Variants in SERAC1 observed in about 807,000 individuals in gnomAD.
SERAC1 encodes the protein protein SERAC1.
SERAC1 carries 36 observed loss-of-function variants against 85.7 expected under a neutral mutation model. The ratio of observed to expected loss-of-function variants is 0.42; its 90% CI spans 0.32 to 0.55. The LOEUF is 0.55. SERAC1 is among the 20% of genes least tolerant of loss of function. The pLI is 0.11. For synonymous variants in SERAC1, 242 were observed against 265.3 expected, an observed-to-expected ratio of 0.91 and a Z score of 0.85; for missense variants, 629 against 796.2, an observed-to-expected ratio of 0.79 and a Z score of 2.53.
chr6:158,133,341 G>A (rs1784721306), intron 8 of SERAC1, among the ~76,000 whole-genome samples: 1 of 148,412 alleles, frequency 6.7e-6, no homozygotes, highest in South Asian at 2.1e-4. Flanking sequence ...AAAATGGAAA[G>A]GCAACAGTAA....
In SERAC1 at chr6:158,146,769, G is replaced by A. The variant is rs1435440628; in HGVS notation, c.487+13C>T. ...AGCTGAAGGCATGCCACCTGTTCAGGTAGTCTCATTACCATGCCAGTGATG... is the reference window on the plus strand; with the variant it reads ...AGCTGAAGGCATGCCACCTGTTCAGATAGTCTCATTACCATGCCAGTGATG... On this transcript the variant is annotated intron_variant, in intron 6 of 16. Coordinates refer to ENST00000647468, the MANE Select transcript of SERAC1 (RefSeq NM_032861.4). 3 of 1,612,766 alleles carry A rather than the reference G, an allele frequency of 1.9e-6. No individual in the cohort carries two copies. The highest frequency in any genetic ancestry group is 1.7e-5 in the Admixed American group (1 of 59,940).
chr6:158,117,229 C>T lies in SERAC1; in HGVS notation c.1403+498G>A. On this transcript the variant is annotated intron_variant, in intron 13 of 16. Transcript: ENST00000647468. The surrounding 1 kb of genome is among the most constrained non-coding windows in gnomAD (Gnocchi z 4.3). ...AAAGCTTCCCGGAAAAGTTAACTGA[C>T]TGGTCTAAGACTGCACAGCAAATCA... 6.2e-6 allele frequency: 2 copies of T among 321,924 alleles called. No individual in the cohort carries two copies. The highest frequency in any genetic ancestry group is 5.0e-5 in the East Asian group (1 of 19,836). 19.9% of individuals were successfully genotyped at this position (321,924 alleles called of 1,614,324 possible). A position where few individuals can be genotyped will look rare whatever the true frequency, so the allele number is the denominator to read the frequency against.
intron 8 of SERAC1, among the ~76,000 whole-genome samples, chr6:158,132,098 A>C (rs1784692991): frequency 6.6e-6 from 1 of 152,150 alleles, no homozygotes; most frequent in African/African-American, 2.4e-5. Context: ...GAAGTGCTTC[A>C]CTTTGGAGCT....
intron 8 of SERAC1, among the ~76,000 whole-genome samples, chr6:158,138,374 G>A (rs1784842255): frequency 6.7e-6 from 1 of 150,284 alleles, no homozygotes; most frequent in Non-Finnish European, 1.5e-5. Context: ...GGCAGAGGTG[G>A]TAGTGAGTCG....
At chr6:158,111,597 G>C (rs1476139413) in intron 16 of SERAC1, 95 bp from the exon 17 acceptor site, 4 of 963,764 alleles carry the variant, frequency 4.2e-6, no homozygotes, top group Non-Finnish European at 5.8e-6. Flanking sequence ...TCTAGACATT[G>C]CTTTGGTTGT....
intron 8 of SERAC1, among the ~76,000 whole-genome samples, chr6:158,139,480 T>TCAA (rs1182912567): frequency 2.6e-5 from 4 of 152,120 alleles, no homozygotes; most frequent in African/African-American, 4.8e-5. Flanking sequence ...CTCTTACAAT[T>TCAA]CAACAACAAC....
intron 2 of SERAC1, among the ~76,000 whole-genome samples, chr6:158,157,010 A>G (rs548615435): frequency 1.4e-5 from 2 of 140,624 alleles, no homozygotes; most frequent in Non-Finnish European, 3.1e-5. Context: ...ATATATATAT[A>G]TGTATAGACA....
chr6:158,147,726 C>A (rs1409993509), intron 5 of SERAC1, among the ~76,000 whole-genome samples: 4 of 128,482 alleles, frequency 3.1e-5, no homozygotes, highest in African/African-American at 1.2e-4. Context: ...GCAGAGATCG[C>A]GCCACTGCAC....
At chr6:158,149,940 A>G (rs770874889) in intron 4 of SERAC1, among the ~76,000 whole-genome samples, 5 of 152,186 alleles carry the variant, frequency 3.3e-5, no homozygotes, top group Admixed American at 2.0e-4. Flanking sequence ...CAACCATATG[A>G]TCGCTAATGA....
chr6:158,158,590 G>T lies in SERAC1; in HGVS notation c.-1-226C>A, dbSNP rs982207029. 5 of 377,740 alleles carry T rather than the reference G, an allele frequency of 1.3e-5. No individual in the cohort carries two copies. The Admixed American group carries it at 2.1e-4, about 16-fold the overall frequency. The allele number at this position is 377,740 out of a possible 1,614,324, so 23.4% of individuals were successfully genotyped here. A position where few individuals can be genotyped will look rare whatever the true frequency, so the allele number is the denominator to read the frequency against. On this transcript the variant is annotated intron_variant, in intron 1 of 16. Coordinates refer to ENST00000647468, the MANE Select transcript of SERAC1 (RefSeq NM_032861.4). The stretch of plus-strand genomic sequence containing the variant: ...AATTTTCATTATTCTTCCTCACACT[G>T]TGTCCAATTGTGCATAGTTTTCACA...
chr6:158,162,748 C>A (rs1382479708), intron 1 of SERAC1, among the ~76,000 whole-genome samples: 1 of 152,170 alleles, frequency 6.6e-6, no homozygotes, highest in Non-Finnish European at 1.5e-5. Context: ...CTGAGTATTT[C>A]AAAAACTTTT....
intron 1 of SERAC1, chr6:158,165,993 C>T (rs1307902061): frequency 6.6e-6 from 1 of 152,180 alleles, no homozygotes; most frequent in Non-Finnish European, 1.5e-5. Flanking sequence ...GTGAATGTCA[C>T]TGAACTCAAC....
intron 14 of SERAC1, 85 bp downstream of exon 14, chr6:158,116,100 G>GGAAA: frequency 9.1e-7 from 1 of 1,104,240 alleles, no homozygotes; most frequent in South Asian, 1.3e-5. Context: ...TAAGTAAAAT[G>GGAAA]GAAAGATAAA....
intron 8 of SERAC1, among the ~76,000 whole-genome samples, chr6:158,137,725 A>C (rs1784826079): frequency 6.6e-6 from 1 of 151,984 alleles, no homozygotes; most frequent in East Asian, 1.9e-4. Flanking sequence ...AAAATACAAA[A>C]AAAATTAGCC....
rs533580953 is a variant in SERAC1, at chr6:158,120,705, G to A, written c.1016-130C>T. 1.0e-5 allele frequency: 10 copies of A among 978,182 alleles called. No individual in the cohort carries two copies. Among genetic ancestry groups the A allele is most frequent in the African/African-American group, 8.2e-5 (5 of 60,614 alleles). The allele number at this position is 978,182 out of a possible 1,614,324, so 60.6% of individuals were successfully genotyped here. A position where few individuals can be genotyped will look rare whatever the true frequency, so the allele number is the denominator to read the frequency against. On this transcript the variant is annotated intron_variant, in intron 10 of 16. Transcript: ENST00000647468. This position sits in a 1 kb window ranked among gnomAD's most constrained non-coding sequence, Gnocchi z 4.4. ...GTGTCTGTCCTTGGCGGAGAAGTCCGACTATTCCAACCCCATTCTGCCCTA... is the reference window on the plus strand; with the variant it reads ...GTGTCTGTCCTTGGCGGAGAAGTCCAACTATTCCAACCCCATTCTGCCCTA...
intron 4 of SERAC1, among the ~76,000 whole-genome samples, chr6:158,150,193 A>G (rs1785169369): frequency 6.6e-6 from 1 of 152,164 alleles, no homozygotes; most frequent in Non-Finnish European, 1.5e-5. Flanking sequence ...CAGCCCCACT[A>G]AGATGTGGAA....
rs1300052356 is a variant in SERAC1, at chr6:158,109,620, T to C, written c.*1746A>G. 6.6e-6 allele frequency: 1 copy of C among 152,140 alleles called. No homozygotes were observed. The allele number at this position is 152,140 out of a possible 1,614,324, so 9.4% of individuals were successfully genotyped here. ...CTACAAAAGTTCACCATCTTCAAAA[T>C]TTAAACATAGACTTACCATTTGACC... On this transcript the variant is annotated 3_prime_UTR_variant, in exon 17 of 17. Transcript: ENST00000647468.
At chr6:158,159,260 T>C (rs1346773756) in intron 1 of SERAC1, 3 of 152,072 alleles carry the variant, frequency 2.0e-5, no homozygotes, top group Admixed American at 6.6e-5. Context: ...TCCCAGCACA[T>C]TGGGAGGCTG....
At position 158,111,281 on chromosome 6, in the gene SERAC1, A is replaced by G. The variant is rs2128409327; in HGVS notation, c.*85T>C. The G allele has an allele frequency of 4.0e-6, 5 of 1,246,646 alleles. No homozygotes were observed. In the South Asian group the frequency reaches 7.5e-5, roughly 19 times the overall value. The allele number at this position is 1,246,646 out of a possible 1,614,324, so 77.2% of individuals were successfully genotyped here. ...TTGACGCTATGATCACTATGTTTGC[A>G]TGATTGCATAGAGCTTAAAAGAAGA... On this transcript the variant is annotated 3_prime_UTR_variant, in exon 17 of 17. Transcript: ENST00000647468.
Sources: allele counts gnomAD v4.1 joint callset (sites outside exome capture counted in the v4.1 genomes callset), GRCh38; gene constraint gnomAD v4.1.1; non-coding constraint Gnocchi (gnomAD v3.1); transcripts MANE v1.5; gene names NCBI Gene and HGNC (gene_info 2026-07-23, HGNC 2026-07-21).